PTP4A2: variants seen among roughly 807,000 people sequenced by gnomAD.
PTP4A2 encodes protein tyrosine phosphatase 4A2.
A neutral mutation model predicts 22.9 loss-of-function variants in PTP4A2; 2 were observed. The observed-to-expected ratio is 0.09, with a 90% CI of 0.04 to 0.27. PTP4A2 has a LOEUF of 0.27. Ranked by LOEUF, PTP4A2 falls within the 10% of genes least tolerant of loss-of-function variation. The pLI is 1.00. For synonymous variants in PTP4A2, 68 were observed against 69.1 expected, an observed-to-expected ratio of 0.98 and a Z score of 0.08; for missense variants, 103 against 205.1, an observed-to-expected ratio of 0.50 and a Z score of 3.04.
At chr1:31,916,345 C>CAAAAAAAA (rs1167002913) in intron 2 of PTP4A2, among the ~76,000 whole-genome samples, 5 of 35,462 alleles carry the variant, frequency 1.4e-4, no homozygotes, top group Non-Finnish European at 1.9e-4. Context: ...ACTCCGTCTC[C>CAAAAAAAA]AAAAAAAAAA....
chr1:31,933,384 T>C (rs141502380), intron 1 of PTP4A2, among the ~76,000 whole-genome samples: 1,606 of 152,218 alleles, frequency 0.011, 33 homozygotes, highest in African/African-American at 0.036. Context: ...TTAAGTACTT[T>C]AAGCCCCTAA....
intron 2 of PTP4A2, among the ~76,000 whole-genome samples, chr1:31,918,610 T>C (rs1354444699): frequency 6.6e-6 from 1 of 152,236 alleles, no homozygotes; most frequent in Non-Finnish European, 1.5e-5. Context: ...TCATAGGGTT[T>C]TTGTATTTGT....
chr1:31,934,384 G>A (rs1002360124), intron 1 of PTP4A2, among the ~76,000 whole-genome samples: 9 of 152,192 alleles, frequency 5.9e-5, no homozygotes, highest in South Asian at 2.1e-4. Context: ...ACCAAACTTA[G>A]TTTCACAAAA....
At position 31,908,208 on chromosome 1, in the gene PTP4A2, C is replaced by A. The variant is rs1198657592; in HGVS notation, c.*644G>T. ...TATATATATATATATATATATATAT[C>A]ACTGCTGTTTTTTTGGTGTTGTTTT... On this transcript the variant is annotated 3_prime_UTR_variant, in exon 6 of 6. Coordinates refer to ENST00000647444, the MANE Select transcript of PTP4A2 (RefSeq NM_080391.4). The A allele has an allele frequency of 2.1e-5, 1 of 48,272 alleles. No homozygotes were observed. 3.0% of individuals were successfully genotyped at this position (48,272 alleles called of 1,614,324 possible).
chr1:31,916,364 A>G (rs1458627122), intron 2 of PTP4A2, among the ~76,000 whole-genome samples: 3 of 139,304 alleles, frequency 2.2e-5, no homozygotes, highest in South Asian at 2.2e-4. Context: ...AAAAAAAAAA[A>G]AAAAAAAAGA....
intron 4 of PTP4A2, 173 bp from the exon 5 acceptor site, chr1:31,910,285 ATTTTT>A: frequency 2.2e-6 from 1 of 445,596 alleles, no homozygotes; most frequent in Non-Finnish European, 4.0e-6. Flanking sequence ...TAATTCTATG[ATTTTT>A]TTTTTTGGCG....
rs1651448573 is a variant in PTP4A2, at chr1:31,909,947, C to T, written c.395+91G>A. On this transcript the variant is annotated intron_variant, in intron 5 of 5. Transcript: ENST00000647444. ...CTTCAAGCCAAAAAAAGCAAATTATCCCATACTATAAATGAATATCCCTTC... is the reference window on the plus strand; with the variant it reads ...CTTCAAGCCAAAAAAAGCAAATTATTCCATACTATAAATGAATATCCCTTC... 9 of 1,181,370 alleles carry T rather than the reference C, an allele frequency of 7.6e-6. No individual in the cohort carries two copies. In the South Asian group the frequency reaches 1.2e-4, roughly 16 times the overall value. The allele number at this position is 1,181,370 out of a possible 1,614,324, so 73.2% of individuals were successfully genotyped here.
At chr1:31,916,472 T>G (rs1189878249) in intron 2 of PTP4A2, among the ~76,000 whole-genome samples, 2 of 150,608 alleles carry the variant, frequency 1.3e-5, no homozygotes, top group Non-Finnish European at 3.0e-5. Context: ...ACTCATGAAA[T>G]CTCAGTGGCA....
chr1:31,933,273 G>A (rs1652799264), intron 1 of PTP4A2: 1 of 152,144 alleles, frequency 6.6e-6, no homozygotes, highest in Non-Finnish European at 1.5e-5. Flanking sequence ...ATGAGCCACT[G>A]TGCCTAGCCA....
chr1:31,922,730 C>A (rs1280148917), intron 1 of PTP4A2, among the ~76,000 whole-genome samples: 5 of 151,686 alleles, frequency 3.3e-5, no homozygotes, highest in Admixed American at 2.6e-4. Flanking sequence ...CTGTCTCAAG[C>A]GATCCTCCCA....
At chr1:31,929,279 A>G (rs1652619432) in intron 1 of PTP4A2, among the ~76,000 whole-genome samples, 1 of 152,250 alleles carries the variant, frequency 6.6e-6, no homozygotes, top group African/African-American at 2.4e-5. Flanking sequence ...TTCTCTTTAA[A>G]AAGTATTGGA....
At chr1:31,928,629 G>A (rs998204944) in intron 1 of PTP4A2, among the ~76,000 whole-genome samples, 7 of 149,510 alleles carry the variant, frequency 4.7e-5, no homozygotes, top group African/African-American at 1.2e-4. Flanking sequence ...CCTGGGAGGC[G>A]GAAGTTGCAG....
chr1:31,915,737 G>A (rs1179680865), intron 3 of PTP4A2, 158 bp downstream of exon 3: 7 of 558,288 alleles, frequency 1.3e-5, no homozygotes, highest in Admixed American at 6.8e-5. Flanking sequence ...ATGAGATCTC[G>A]CCACATTGCC....
intron 1 of PTP4A2, chr1:31,933,837 A>ACATGAT (rs1652828854): frequency 6.6e-6 from 1 of 152,270 alleles, no homozygotes. Flanking sequence ...ATGAGACAAT[A>ACATGAT]CATGATTTGG....
chr1:31,909,026 T>A, intron 5 of PTP4A2, 66 bp from the exon 6 acceptor site: 1 of 1,133,068 alleles, frequency 8.8e-7, no homozygotes, highest in East Asian at 2.4e-5. Flanking sequence ...CTGAAATGCA[T>A]TATTTACATC....
chr1:31,908,830 C>A lies in PTP4A2; in HGVS notation c.*22G>T, dbSNP rs374554893. 8 of 1,550,974 alleles carry A rather than the reference C, an allele frequency of 5.2e-6. No homozygotes were observed. The African/African-American group carries it at 8.2e-5, about 16-fold the overall frequency. On this transcript the variant is annotated 3_prime_UTR_variant, in exon 6 of 6. Transcript: ENST00000647444. ...TTCCCTCTAAATGGCACAATCAAGTCAGCCTTCGTTTACATTTCCTTCTAC... is the reference window on the plus strand; with the variant it reads ...TTCCCTCTAAATGGCACAATCAAGTAAGCCTTCGTTTACATTTCCTTCTAC...
rs536157203 is a variant in PTP4A2, at chr1:31,928,049, T to C, written c.-593-8391A>G. On this transcript the variant is annotated intron_variant, in intron 1 of 5. Transcript: ENST00000647444. ...ATAACCTACTCCCAAATCAAGTAGA[T>C]AGAACAACAGTTCTATCTATCCTCT... Among the ~76,000 whole-genome samples the C allele has an allele frequency of 1.3e-4, 20 of 151,726 alleles. 1 individual carries two copies. Among genetic ancestry groups the C allele is most frequent in the Middle Eastern group, 3.4e-3 (1 of 292 alleles).
rs1332452355 is a variant in PTP4A2, at chr1:31,907,895, T to A, written c.*957A>T. 1 of 151,420 alleles carries A rather than the reference T, an allele frequency of 6.6e-6. No homozygotes were observed. The highest frequency in any genetic ancestry group is 1.5e-5 in the Non-Finnish European group (1 of 67,900). 9.4% of individuals were successfully genotyped at this position (151,420 alleles called of 1,614,324 possible). A position where few individuals can be genotyped will look rare whatever the true frequency, so the allele number is the denominator to read the frequency against. On this transcript the variant is annotated 3_prime_UTR_variant, in exon 6 of 6. Coordinates refer to ENST00000647444, the MANE Select transcript of PTP4A2 (RefSeq NM_080391.4). ...AGTCCTCCCTTTTAGAAGACAAGTTTCTGGGATAACCACTTAGCTTCATTG... is the reference window on the plus strand; with the variant it reads ...AGTCCTCCCTTTTAGAAGACAAGTTACTGGGATAACCACTTAGCTTCATTG...
intron 1 of PTP4A2, among the ~76,000 whole-genome samples, chr1:31,922,139 G>A (rs1269175808): frequency 6.6e-6 from 1 of 152,206 alleles, no homozygotes; most frequent in Non-Finnish European, 1.5e-5. Flanking sequence ...TCCTTGTACA[G>A]TCAAGAAATT....
Sources: gnomAD v4.1 joint callset for allele counts (sites outside exome capture counted in the v4.1 genomes callset) on GRCh38, gnomAD v4.1.1 for gene constraint, MANE v1.5 for transcripts, NCBI Gene and HGNC (gene_info 2026-07-23, HGNC 2026-07-21) for gene names.